Variants in KIF15 observed in about 807,000 individuals in gnomAD.
KIF15 encodes the protein kinesin-like protein KIF15.
A neutral mutation model predicts 190.6 loss-of-function variants in KIF15; 140 were observed. That is an observed-to-expected ratio of 0.73 (90% CI 0.64 to 0.84). The LOEUF is 0.84. Ranked by LOEUF, KIF15 falls within the 40% of genes least tolerant of loss-of-function variation. KIF15 has a pLI of 0.00. For missense variants in KIF15, 1,372 were observed against 1,584.4 expected (o/e 0.87, Z 2.28); for synonymous variants, 528 against 551.3 (o/e 0.96, Z 0.59).
At chr3:44,854,546 C>T (rs1397605796), downstream of KIF15, among the ~76,000 whole-genome samples, 1 of 152,114 alleles carries the variant, frequency 6.6e-6, no homozygotes, top group South Asian at 2.1e-4. Flanking sequence ...AGCGAGCAGA[C>T]ACTGCAACTG....
At chr3:44,862,076 C>T (rs773879428) in intron 6 of KIF15, 2 of 1,307,740 alleles carry the variant, frequency 1.5e-6, no homozygotes, top group Non-Finnish European at 2.0e-6. Context: ...GCGTTCGGGG[C>T]CCTGGCCGCC....
At chr3:44,801,259 C>G (rs1707264636) in intron 11 of KIF15, among the ~76,000 whole-genome samples, 191 bp from the exon 12 acceptor site, 1 of 151,684 alleles carries the variant, frequency 6.6e-6, no homozygotes, top group African/African-American at 2.4e-5. Context: ...AACTGCTGAC[C>G]TCAAGAAAGA....
chr3:44,856,574 G>T (rs553426190), downstream of KIF15, among the ~76,000 whole-genome samples: 1 of 152,288 alleles, frequency 6.6e-6, no homozygotes, highest in South Asian at 2.1e-4. Flanking sequence ...AGTTTCAGTG[G>T]GAAAGTAGGT....
Position 44,823,831 on chromosome 3 carries a change from A to G in KIF15, c.2550-2208A>G, listed in dbSNP as rs577959080. On this transcript the variant is annotated intron_variant, in intron 20 of 34. Coordinates refer to ENST00000326047, the MANE Select transcript of KIF15 (RefSeq NM_020242.3). ...GGACCCACCGAGCTAGGTGCGGGAT[A>G]TAATCTTCTGGTATGCCATTTGATA... 3.9e-5 allele frequency among the ~76,000 whole-genome samples: 6 copies of G among 152,352 alleles called. No individual in the cohort carries two copies. In the East Asian group the frequency reaches 1.2e-3, roughly 29 times the overall value.
rs1706583780 is a variant in KIF15 at position 44,789,666 on chromosome 3, AT to A, written c.639+3093del. ...TTTATATATATATATATATATATAT[AT>A]ATATATATATATATATATATATATA... On this transcript the variant is annotated intron_variant, in intron 7 of 34. Coordinates refer to ENST00000326047, the MANE Select transcript of KIF15 (RefSeq NM_020242.3). Among the ~76,000 whole-genome samples, 4 of 78,854 alleles carry A rather than the reference AT, an allele frequency of 5.1e-5. 1 individual carries two copies. The highest frequency in any genetic ancestry group is 3.1e-4 in the South Asian group (1 of 3,254). 51.7% of individuals were successfully genotyped at this position (78,854 alleles called of 152,430 possible).
In KIF15 at chr3:44,805,087, A is replaced by C; in HGVS notation, c.1748A>C (p.Lys583Thr). ...KEPCLFANTE[K>T]LKAQLLQIQT... The stretch of plus-strand genomic sequence containing the variant: ...CCATGTTTGTTTGCAAACACTGAGA[A>C]GTTAAAAGCACAACTCCTGCAAATT... The change falls in exon 15 of 35, where the codon AAG becomes ACG. Residue 583 changes from lysine (K) to threonine (T), a missense_variant. Transcript: ENST00000326047. 6.2e-7 allele frequency: 1 copy of C among 1,614,118 alleles called. No individual in the cohort carries two copies. Among genetic ancestry groups the C allele is most frequent in the Non-Finnish European group, 8.5e-7 (1 of 1,179,978 alleles).
At chr3:44,828,420 T>C in intron 24 of KIF15, 120 bp downstream of exon 24, 3 of 650,070 alleles carry the variant, frequency 4.6e-6, no homozygotes, top group Non-Finnish European at 8.1e-6. Flanking sequence ...TGAATATTTC[T>C]ATATGCAGTT....
At chr3:44,813,621 GTTTGT>G (rs1449683723) in intron 19 of KIF15, among the ~76,000 whole-genome samples, 2 of 129,344 alleles carry the variant, frequency 1.5e-5, no homozygotes, top group African/African-American at 5.6e-5. Flanking sequence ...TTTTTGTTTT[GTTTGT>G]TTTGTTTTTT....
chr3:44,802,010 A>G, intron 13 of KIF15, 36 bp downstream of exon 13: 1 of 1,412,566 alleles, frequency 7.1e-7, no homozygotes, highest in South Asian at 1.3e-5. Context: ...TCTAAAAATA[A>G]AAGAAGTTCA....
At chr3:44,789,684 ATATATAT>A (rs1706588720) in intron 7 of KIF15, among the ~76,000 whole-genome samples, 2 of 72,716 alleles carry the variant, frequency 2.8e-5, no homozygotes, top group African/African-American at 9.5e-5. Context: ...ATATATATAT[ATATATAT>A]AAAATAGATA....
chr3:44,815,026 C>A lies in KIF15; in HGVS notation c.2499C>A (p.Asn833Lys). 6.2e-7 allele frequency: 1 copy of A among 1,611,646 alleles called. No homozygotes were observed. Residue 833 changes from asparagine (N) to lysine (K), a missense_variant, in exon 20 of 35, where the codon AAC (asparagine) becomes AAA (lysine). Asn to Lys is a moderately conservative substitution (Grantham distance 94). Coordinates refer to ENST00000326047, the MANE Select transcript of KIF15 (RefSeq NM_020242.3). ...AAACGAATCAGGAGAAAGAATTCAA[C>A]AAACTTTCCGAAAGACACATGCATG... ...SFKTNQEKEFNKLSERHMHVQ... is the reference protein window; with the variant it reads ...SFKTNQEKEFKKLSERHMHVQ...
chr3:44,864,406 G>A lies in KIF15; in HGVS notation c.*60-8923G>A. On this transcript the variant is annotated intron_variant and NMD_transcript_variant, in intron 6 of 6. Coordinates refer to the KIF15 transcript ENST00000422209. ...CTGGGTTCTGGGTGAGTTGTCTTTG[G>A]ATAACCCCTCCTTTCCCAGACAGGA... The A allele has an allele frequency of 5.0e-6, 8 of 1,602,030 alleles. No individual in the cohort carries two copies. In the Middle Eastern group the frequency reaches 5.0e-4, roughly 100 times the overall value.
chr3:44,774,251 A>G (rs1337435098), intron 1 of KIF15, 144 bp from the exon 2 acceptor site: 3 of 656,012 alleles, frequency 4.6e-6, no homozygotes, highest in Non-Finnish European at 8.1e-6. Context: ...AATAGGATCA[A>G]GGCCTGGGCT....
chr3:44,817,184 G>A lies in KIF15; in HGVS notation c.2549+2108G>A, dbSNP rs557747649. On this transcript the variant is annotated intron_variant, in intron 20 of 34. Transcript: ENST00000326047. Reference sequence around the variant, plus strand: ...GATTGCAAAAATTTTCTCCCATTCTGTAGGTTGCCTGTTCACTCTGATGGT... The same window carrying A: ...GATTGCAAAAATTTTCTCCCATTCTATAGGTTGCCTGTTCACTCTGATGGT... 9.9e-5 allele frequency among the ~76,000 whole-genome samples: 15 copies of A among 152,260 alleles called. No homozygotes were observed. The East Asian group carries it at 2.9e-3, about 29-fold the overall frequency.
At chr3:44,766,551 T>G (rs943546003) in intron 1 of KIF15, among the ~76,000 whole-genome samples, 33 of 152,114 alleles carry the variant, frequency 2.2e-4, no homozygotes, top group Admixed American at 2.2e-3. Context: ...AATGATACAC[T>G]GACATCCTGC....
chr3:44,817,358 G>A (rs1708075394), intron 20 of KIF15, among the ~76,000 whole-genome samples: 1 of 152,126 alleles, frequency 6.6e-6, no homozygotes, highest in Admixed American at 6.6e-5. Context: ...TTCTTCTAGG[G>A]TTTTTATGGT....
At chr3:44,845,880 A>T (rs1698827036) in intron 30 of KIF15, among the ~76,000 whole-genome samples, 1 of 152,192 alleles carries the variant, frequency 6.6e-6, no homozygotes, top group Non-Finnish European at 1.5e-5. Context: ...CAACTCCTGC[A>T]CTGAGCTTCT....
downstream of KIF15, among the ~76,000 whole-genome samples, chr3:44,857,064 G>A (rs1271747044): frequency 6.6e-6 from 1 of 152,178 alleles, no homozygotes; most frequent in African/African-American, 2.4e-5. Context: ...AGTAAACCAA[G>A]TGTGATCAGG....
intron 21 of KIF15, 28 bp downstream of exon 21, chr3:44,826,217 G>T: frequency 6.4e-7 from 1 of 1,563,530 alleles, no homozygotes; most frequent in Non-Finnish European, 8.6e-7. Flanking sequence ...AATTTGTCCC[G>T]CATCTGTGAC....
Sources: allele counts gnomAD v4.1 joint callset (sites outside exome capture counted in the v4.1 genomes callset), GRCh38; gene constraint gnomAD v4.1.1; transcripts MANE v1.5; gene names NCBI Gene and HGNC (gene_info 2026-07-23, HGNC 2026-07-21).